Variants in PVALEF observed in about 807,000 individuals in gnomAD.
PVALEF encodes parvalbumin-like EF-hand-containing protein.
In PVALEF, 2 loss-of-function variants were observed where a neutral mutation model predicts 1.2. The observed-to-expected ratio is 1.68, with a 90% CI of 0.69 to 5.28. The LOEUF (loss-of-function observed/expected upper bound fraction) is 5.28. Among genes scored for constraint, PVALEF ranks in the 30% most tolerant of loss-of-function variants. The pLI is 0.06. For missense variants in PVALEF, 35 were observed against 17.7 expected (o/e 1.97, Z -1.75); for synonymous variants, 16 against 6.5 (o/e 2.47, Z -2.24).
chr17:81,182,739 C>T (rs992778465), intron 6 of PVALEF, among the ~76,000 whole-genome samples: 3 of 152,238 alleles, frequency 2.0e-5, no homozygotes, highest in Non-Finnish European at 4.4e-5. Context: ...CTGGGGTCAA[C>T]TTGTGACGAC....
chr17:81,165,802 C>G, intron 1 of PVALEF, 55 bp downstream of exon 1: 1 of 1,501,586 alleles, frequency 6.7e-7, no homozygotes, highest in Non-Finnish European at 8.9e-7. Flanking sequence ...GCCAGGGGGT[C>G]CGGCTGCTTC....
intron 2 of PVALEF, among the ~76,000 whole-genome samples, chr17:81,175,000 A>G (rs541493731): frequency 8.7e-4 from 133 of 152,236 alleles, no homozygotes; most frequent in Non-Finnish European, 1.6e-3. Context: ...TGTTATATGT[A>G]AAGAATCTTA....
chr17:81,169,979 T>C (rs1410882003), intron 2 of PVALEF, among the ~76,000 whole-genome samples: 2 of 138,868 alleles, frequency 1.4e-5, no homozygotes, highest in African/African-American at 5.4e-5. Flanking sequence ...TGTGTACATG[T>C]GTGTGCATGT....
chr17:81,165,705 AGTCACGACCACGCGG>A lies in PVALEF; in HGVS notation c.-548_-534del, dbSNP rs2061480068. ...ACCTGTGCCCTGGAGGCAGCCACGG[AGTCACGACCACGCGG>A]GGGACGCCAGCCCACAGGCGGAGGC... On this transcript the variant is annotated 5_prime_UTR_variant, in exon 1 of 7. Transcript: ENST00000637878. 1 of 1,518,710 alleles carries A rather than the reference AGTCACGACCACGCGG, an allele frequency of 6.6e-7. No individual in the cohort carries two copies. The highest frequency in any genetic ancestry group is 1.4e-5 in the African/African-American group (1 of 72,456). 94.1% of individuals were successfully genotyped at this position (1,518,710 alleles called of 1,614,324 possible). A position where few individuals can be genotyped will look rare whatever the true frequency, so the allele number is the denominator to read the frequency against.
At chr17:81,169,929 T>C (rs1284291899) in intron 2 of PVALEF, among the ~76,000 whole-genome samples, 1 of 149,026 alleles carries the variant, frequency 6.7e-6, no homozygotes, top group Non-Finnish European at 1.5e-5. Context: ...TGTGTGCATG[T>C]GTGTCTGCAT....
At chr17:81,173,108 T>C (rs541285470) in intron 2 of PVALEF, among the ~76,000 whole-genome samples, 2 of 152,246 alleles carry the variant, frequency 1.3e-5, no homozygotes, top group South Asian at 2.1e-4. Flanking sequence ...CTCACCCTGG[T>C]GACAGCCCTA....
intron 1 of PVALEF, 37 bp downstream of exon 1, chr17:81,165,784 C>A: frequency 6.6e-7 from 1 of 1,505,274 alleles, no homozygotes; most frequent in Non-Finnish European, 8.9e-7. Context: ...CCTCCGAGAT[C>A]TGGGGCCGCC....
chr17:81,180,963 C>T lies in PVALEF; in HGVS notation c.-104-160C>T, dbSNP rs893975561. 8.5e-5 allele frequency among the ~76,000 whole-genome samples: 13 copies of T among 152,170 alleles called. No individual in the cohort carries two copies. In the East Asian group the frequency reaches 2.3e-3, roughly 27 times the overall value. On this transcript the variant is annotated intron_variant, in intron 3 of 6. Transcript: ENST00000637878. ...ACGGCAACCTGAGAGCCCAGCAGGTCACAAGGCGCTGCCGTGAGGCGCACA... is the reference window on the plus strand; with the variant it reads ...ACGGCAACCTGAGAGCCCAGCAGGTTACAAGGCGCTGCCGTGAGGCGCACA...
chr17:81,182,924 C>A (rs2061559739), intron 6 of PVALEF, 41 bp from the exon 7 acceptor site: 1 of 398,492 alleles, frequency 2.5e-6, no homozygotes, highest in Non-Finnish European at 4.4e-6. Context: ...CTGGGGGACA[C>A]AAAACAGGGG....
chr17:81,177,769 G>A (rs1314663627), intron 2 of PVALEF, among the ~76,000 whole-genome samples: 1 of 152,168 alleles, frequency 6.6e-6, no homozygotes, highest in African/African-American at 2.4e-5. Context: ...TAATAAACCT[G>A]ATTGCTTCAT....
rs35161298 is a variant in PVALEF, at chr17:81,180,319, AGGTG to A, written c.-104-799_-104-796del. Among the ~76,000 whole-genome samples the A allele has an allele frequency of 8.0e-3, 1,223 of 152,272 alleles. 8 individuals carry two copies. Among genetic ancestry groups the A allele is most frequent in the Non-Finnish European group, 0.011 (749 of 67,982 alleles). On this transcript the variant is annotated intron_variant, in intron 3 of 6. Coordinates refer to ENST00000637878, the MANE Select transcript of PVALEF (RefSeq NM_001354639.2). Reference sequence around the variant, plus strand: ...CATTGGGCCCGGGGCCCCGAGTGGTAGGTGGGTGTTCCCTCTTCCAAAACAGGTC... The same window carrying A: ...CATTGGGCCCGGGGCCCCGAGTGGTAGGTGTTCCCTCTTCCAAAACAGGTC...
rs9894262 is a variant in PVALEF, at chr17:81,178,998, G to A, written c.-259G>A. The A allele has an allele frequency of 0.22, 97,441 of 437,560 alleles. 12,432 individuals carry two copies. Among genetic ancestry groups the A allele is most frequent in the Non-Finnish European group, 0.28 (60,483 of 215,758 alleles). 27.1% of individuals were successfully genotyped at this position (437,560 alleles called of 1,614,324 possible). ...ACCAAGTGCCTGCGAGCCCCTGGGA[G>A]CTGCCCGTGCCAGGCTGGAGTGCCG... On this transcript the variant is annotated 5_prime_UTR_variant, in exon 3 of 7. Transcript: ENST00000637878.
chr17:81,165,919 C>T, intron 1 of PVALEF, 172 bp downstream of exon 1: 2 of 1,570,812 alleles, frequency 1.3e-6, no homozygotes, highest in Middle Eastern at 1.7e-4. Flanking sequence ...GCGCGCAGGC[C>T]GGGCCGCCAG....
At position 81,181,558 on chromosome 17, in the gene PVALEF, G is replaced by A. The variant is rs994145156; in HGVS notation, c.107-1G>A. The A allele has an allele frequency of 2.2e-6, 1 of 458,260 alleles. No homozygotes were observed. Among genetic ancestry groups the A allele is most frequent in the Non-Finnish European group, 3.8e-6 (1 of 262,700 alleles). The allele number at this position is 458,260 out of a possible 1,614,324, so 28.4% of individuals were successfully genotyped here. On this transcript the variant is annotated splice_acceptor_variant, in intron 4 of 6. Transcript: ENST00000637878. LOFTEE classifies it high-confidence loss of function. ...CCGTGAGCCCCGCCTGGTTGCCCCAGGGTCCTTCAACTACCTCAAGTTCTT... is the reference window on the plus strand; with the variant it reads ...CCGTGAGCCCCGCCTGGTTGCCCCAAGGTCCTTCAACTACCTCAAGTTCTT...
chr17:81,175,696 C>CT (rs1435369654), intron 2 of PVALEF, among the ~76,000 whole-genome samples: 4 of 152,194 alleles, frequency 2.6e-5, no homozygotes, highest in African/African-American at 9.6e-5. Context: ...AAAAAACAGT[C>CT]TTTCAACAAA....
chr17:81,170,081 T>G (rs961255301), intron 2 of PVALEF, among the ~76,000 whole-genome samples: 3 of 151,706 alleles, frequency 2.0e-5, no homozygotes, highest in Non-Finnish European at 4.4e-5. Context: ...TGTGTGCATA[T>G]GTGTAGGTGT....
At chr17:81,169,839 T>C (rs948771258) in intron 2 of PVALEF, among the ~76,000 whole-genome samples, 7 of 141,988 alleles carry the variant, frequency 4.9e-5, no homozygotes. Flanking sequence ...TCTGTCTTGG[T>C]AGGTATATGT....
chr17:81,167,806 G>A (rs148272637), intron 2 of PVALEF, among the ~76,000 whole-genome samples: 286 of 152,342 alleles, frequency 1.9e-3, no homozygotes, highest in Middle Eastern at 3.4e-3. Context: ...CCAGGCTGCC[G>A]TTGCAGGTAA....
intron 6 of PVALEF, 72 bp downstream of exon 6, chr17:81,182,153 C>G (rs777594257): frequency 1.0e-5 from 4 of 398,216 alleles, no homozygotes; most frequent in Admixed American, 8.8e-5. Context: ...TGCCCATGGC[C>G]CCGCCCCGAG....
Sources: gnomAD v4.1 joint callset for allele counts (sites outside exome capture counted in the v4.1 genomes callset) on GRCh38, gnomAD v4.1.1 for gene constraint, MANE v1.5 for transcripts, NCBI Gene and HGNC (gene_info 2026-07-23, HGNC 2026-07-21) for gene names.